CPEB3: variants seen among roughly 807,000 people sequenced by gnomAD.
CPEB3 encodes cytoplasmic polyadenylation element-binding protein 3.
A neutral mutation model predicts 67.2 loss-of-function variants in CPEB3; 20 were observed. The observed-to-expected ratio is 0.30, with a 90% CI of 0.21 to 0.43. The LOEUF (loss-of-function observed/expected upper bound fraction) is 0.43, where lower values mean the gene tolerates loss of function less well. Among genes scored for constraint, CPEB3 ranks in the 20% least tolerant of loss-of-function variants. The probability of loss-of-function intolerance (pLI) is 1.00; values close to 1 mark genes in which losing one functional copy is unlikely to be tolerated. For missense variants in CPEB3, 746 were observed against 968.6 expected (o/e 0.77, Z 3.05); for synonymous variants, 376 against 393.1 (o/e 0.96, Z 0.51).
At chr10:92,142,103 A>G (rs1299132965) in intron 6 of CPEB3, among the ~76,000 whole-genome samples, 2 of 151,948 alleles carry the variant, frequency 1.3e-5, no homozygotes, top group Non-Finnish European at 2.9e-5. Flanking sequence ...GTGGGTTATG[A>G]AGAGAGTGAG....
intron 2 of CPEB3, among the ~76,000 whole-genome samples, chr10:92,228,375 G>T (rs1217806612): frequency 6.6e-6 from 1 of 151,842 alleles, no homozygotes; most frequent in Non-Finnish European, 1.5e-5. Flanking sequence ...ATATTTCTCT[G>T]GTCCAAAAAA....
intron 1 of CPEB3, among the ~76,000 whole-genome samples, chr10:92,275,331 C>A (rs538057988): frequency 4.6e-5 from 7 of 152,180 alleles, no homozygotes; most frequent in Non-Finnish European, 1.0e-4. Context: ...CAAGTCAGGA[C>A]TCAATTAGCT....
At chr10:92,171,727 G>A (rs1848010045) in intron 4 of CPEB3, among the ~76,000 whole-genome samples, 1 of 152,038 alleles carries the variant, frequency 6.6e-6, no homozygotes, top group Non-Finnish European at 1.5e-5. Flanking sequence ...CGATTCTCCT[G>A]CCTCAGCCTC....
Position 92,202,053 on chromosome 10 carries a change from AAG to A in CPEB3, c.1006-9419_1006-9418del, listed in dbSNP as rs1245159161. 1.1e-4 allele frequency among the ~76,000 whole-genome samples: 17 copies of A among 152,282 alleles called. No individual in the cohort carries two copies. The East Asian group carries it at 1.5e-3, about 14-fold the overall frequency. ...TCTTGCAAGACTTTTACTTTAAACT[AAG>A]AAAGAACTACTCATTTACTAGAATG... On this transcript the variant is annotated intron_variant, in intron 2 of 9. Transcript: ENST00000265997.
chr10:92,151,672 T>C (rs1447161378), intron 4 of CPEB3, among the ~76,000 whole-genome samples: 1 of 152,220 alleles, frequency 6.6e-6, no homozygotes. Flanking sequence ...ATATCTACCT[T>C]AAACTTATTC....
intron 1 of CPEB3, among the ~76,000 whole-genome samples, chr10:92,289,740 T>C (rs1385028259): frequency 4.3e-4 from 24 of 55,918 alleles, no homozygotes; most frequent in Non-Finnish European, 1.6e-4. Flanking sequence ...AAAATATATA[T>C]ATATATATAT....
intron 1 of CPEB3, among the ~76,000 whole-genome samples, chr10:92,248,071 G>T (rs947361003): frequency 1.3e-5 from 2 of 152,004 alleles, no homozygotes; most frequent in Admixed American, 6.6e-5. Context: ...GTTATTCCTC[G>T]GTATCTTGTG....
intron 1 of CPEB3, among the ~76,000 whole-genome samples, chr10:92,275,845 CTTTTTTTTTTT>C (rs909549413): frequency 3.2e-5 from 3 of 92,978 alleles, no homozygotes; most frequent in Admixed American, 2.4e-4. Context: ...TCATTCTTTT[CTTTTTTTTTTT>C]TTTTTTTTTT....
intron 1 of CPEB3, among the ~76,000 whole-genome samples, chr10:92,253,817 CA>C (rs1468765581): frequency 6.6e-6 from 1 of 151,990 alleles, no homozygotes; most frequent in African/African-American, 2.4e-5. Flanking sequence ...ATGATCTGGC[CA>C]AATAGGAGGG....
At chr10:92,200,630 T>A (rs1425156172) in intron 2 of CPEB3, among the ~76,000 whole-genome samples, 2 of 151,730 alleles carry the variant, frequency 1.3e-5, no homozygotes, top group Admixed American at 1.3e-4. Context: ...GATGACTAAT[T>A]CCACTTACTT....
intron 2 of CPEB3, among the ~76,000 whole-genome samples, chr10:92,203,115 G>A (rs188718147): frequency 6.6e-6 from 1 of 150,976 alleles, no homozygotes; most frequent in African/African-American, 2.4e-5. Flanking sequence ...CTAATTTTTT[G>A]TATTTTTAGT....
At chr10:92,088,585 T>C (rs1021190820) in intron 8 of CPEB3, among the ~76,000 whole-genome samples, 2 of 151,890 alleles carry the variant, frequency 1.3e-5, no homozygotes, top group Non-Finnish European at 2.9e-5. Context: ...AGAATAACTA[T>C]CAGTGATATT....
intron 7 of CPEB3, among the ~76,000 whole-genome samples, chr10:92,109,166 C>G (rs1844608843): frequency 6.6e-6 from 1 of 152,140 alleles, no homozygotes. Context: ...CTCACTCCAG[C>G]TTCTCTCCAA....
chr10:92,061,403 G>A (rs1477158772), intron 9 of CPEB3, among the ~76,000 whole-genome samples: 1 of 124,382 alleles, frequency 8.0e-6, no homozygotes. Flanking sequence ...TGGGTGAAAA[G>A]AGCGAAATTC....
At chr10:92,126,689 T>C (rs1410895504) in intron 6 of CPEB3, among the ~76,000 whole-genome samples, 1 of 152,218 alleles carries the variant, frequency 6.6e-6, no homozygotes, top group Non-Finnish European at 1.5e-5. Context: ...CCTGTCCTCC[T>C]TTTCCACCAA....
At chr10:92,214,636 C>T (rs541204710) in intron 2 of CPEB3, among the ~76,000 whole-genome samples, 2 of 152,010 alleles carry the variant, frequency 1.3e-5, no homozygotes, top group Non-Finnish European at 2.9e-5. Flanking sequence ...GCATGCACCA[C>T]GACATCTGGC....
intron 1 of CPEB3, among the ~76,000 whole-genome samples, chr10:92,287,728 T>A (rs1467810347): frequency 6.6e-6 from 1 of 152,168 alleles, no homozygotes; most frequent in Admixed American, 6.5e-5. Flanking sequence ...GGTTTTTGAG[T>A]ATATTTACAG....
chr10:92,109,006 CA>C (rs1326932713), intron 7 of CPEB3, among the ~76,000 whole-genome samples: 11 of 152,298 alleles, frequency 7.2e-5, no homozygotes, highest in Non-Finnish European at 1.5e-4. Flanking sequence ...ACGATTCTTC[CA>C]AAGTATATAA....
At position 92,239,754 on chromosome 10, in the gene CPEB3, C is replaced by A. The variant is rs779319633; in HGVS notation, c.597G>T (p.Ala199=). 3 of 1,471,380 alleles carry A rather than the reference C, an allele frequency of 2.0e-6. No individual in the cohort carries two copies. The highest frequency in any genetic ancestry group is 2.7e-5 in the East Asian group (1 of 37,280). 91.1% of individuals were successfully genotyped at this position (1,471,380 alleles called of 1,614,324 possible). A position where few individuals can be genotyped will look rare whatever the true frequency, so the allele number is the denominator to read the frequency against. ...QRRSPASPSQ[A]PYAQRSAAAA... ...CGGCGGCGCTCCTCTGCGCGTAGGG[C>A]GCCTGGCTGGGGCTGGCGGGTGAGC... Residue 199 remains alanine (A), a synonymous_variant, in exon 2 of 10, where the codon GCG becomes GCT. Coordinates refer to ENST00000265997, the MANE Select transcript of CPEB3 (RefSeq NM_014912.5). This position sits in a 1 kb window ranked among gnomAD's most constrained non-coding sequence, Gnocchi z 6.0.
Sources: allele counts gnomAD v4.1 joint callset (sites outside exome capture counted in the v4.1 genomes callset), GRCh38; gene constraint gnomAD v4.1.1; non-coding constraint Gnocchi (gnomAD v3.1); transcripts MANE v1.5; gene names NCBI Gene and HGNC (gene_info 2026-07-23, HGNC 2026-07-21).